The following FGGY variants were observed in gnomAD, a reference collection of about 807,000 sequenced individuals.
The protein encoded by FGGY is FGGY carbohydrate kinase domain containing.
Under a neutral mutation model 71.3 loss-of-function variants are expected in FGGY, and 72 were observed. The observed-to-expected ratio is 1.01, with a 90% CI of 0.84 to 1.23. FGGY has a LOEUF of 1.23. Among genes scored for constraint, FGGY ranks in the 50% most tolerant of loss-of-function variants. The pLI is 0.00. For synonymous variants in FGGY, 251 were observed against 250.3 expected, an observed-to-expected ratio of 1.00 and a Z score of -0.02; for missense variants, 668 against 682.3, an observed-to-expected ratio of 0.98 and a Z score of 0.23.
chr1:59,373,036 C>A lies in FGGY; in HGVS notation c.466-5713C>A, dbSNP rs537677910. On this transcript the variant is annotated intron_variant, in intron 4 of 15. Coordinates refer to ENST00000303721, the MANE Select transcript of FGGY (RefSeq NM_018291.5). ...GCCCTCTCTCACCACTCCCATTCAA[C>A]ATAGTGTTGGAAGTTCTGGCCAGGG... Among the ~76,000 whole-genome samples the A allele has an allele frequency of 2.6e-5, 4 of 152,216 alleles. No homozygotes were observed. In the South Asian group the frequency reaches 8.3e-4, roughly 32 times the overall value.
intron 5 of FGGY, among the ~76,000 whole-genome samples, chr1:59,411,762 A>G (rs1395360580): frequency 6.6e-6 from 1 of 152,222 alleles, no homozygotes; most frequent in Admixed American, 6.5e-5. Context: ...TTTTGCAAAT[A>G]GTCCTTTTAA....
rs534614448 is a variant in FGGY at position 59,715,467 on chromosome 1, C to T, written c.1512+41334C>T. On this transcript the variant is annotated intron_variant, in intron 14 of 15. Transcript: ENST00000303721. ...GGTTGCCAGTGTCTAAGTCAAGTCC[C>T]GAAACACTTGGTTCCCCTTGGGTCA... Among the ~76,000 whole-genome samples, 8 of 152,274 alleles carry T rather than the reference C, an allele frequency of 5.3e-5. No homozygotes were observed. In the South Asian group the frequency reaches 1.0e-3, roughly 20 times the overall value.
At chr1:59,539,886 A>G (rs963330070) in intron 7 of FGGY, among the ~76,000 whole-genome samples, 1 of 152,254 alleles carries the variant, frequency 6.6e-6, no homozygotes, top group Non-Finnish European at 1.5e-5. Context: ...AAGAATGTCT[A>G]CACATTAATG....
rs12039820 is a variant in FGGY, at chr1:59,457,099, G to T, written c.670+23G>T. The T allele has an allele frequency of 1.5e-5, 23 of 1,514,792 alleles. No homozygotes were observed. The African/African-American group carries it at 2.7e-4, about 18-fold the overall frequency. The allele number at this position is 1,514,792 out of a possible 1,614,324, so 93.8% of individuals were successfully genotyped here. ...TAGGTAAAAGAATAAAACATCTGTA[G>T]AGTGATTATGTGCATTGGAGGATCT... is the stretch of plus-strand genomic sequence containing the variant. On this transcript the variant is annotated intron_variant, in intron 6 of 15. Coordinates refer to ENST00000303721, the MANE Select transcript of FGGY (RefSeq NM_018291.5).
intron 14 of FGGY, chr1:59,698,944 A>C: frequency 1.0e-6 from 1 of 985,390 alleles, no homozygotes; most frequent in Non-Finnish European, 1.2e-6. Context: ...GTATTATTTA[A>C]TACATCCCCA....
chr1:59,451,546 TAC>T (rs2072723291), intron 5 of FGGY, among the ~76,000 whole-genome samples: 3 of 152,088 alleles, frequency 2.0e-5, no homozygotes, highest in African/African-American at 7.2e-5. Flanking sequence ...TGCATATATA[TAC>T]ATATATGCAG....
At chr1:59,569,792 A>T (rs2095948656) in intron 8 of FGGY, among the ~76,000 whole-genome samples, 1 of 152,160 alleles carries the variant, frequency 6.6e-6, no homozygotes, top group African/African-American at 2.4e-5. Context: ...GTCAGAGCAG[A>T]TGTTTTCTTT....
chr1:59,660,923 A>T (rs558467615), intron 12 of FGGY, among the ~76,000 whole-genome samples: 1 of 152,338 alleles, frequency 6.6e-6, no homozygotes, highest in South Asian at 2.1e-4. Context: ...TAATCCTGAA[A>T]TCACATCCAG....
chr1:59,366,445 A>C (rs1057069661), intron 4 of FGGY, among the ~76,000 whole-genome samples: 2 of 152,052 alleles, frequency 1.3e-5, no homozygotes, highest in Non-Finnish European at 2.9e-5. Flanking sequence ...AAGCCTTTAG[A>C]AAAGCCTCCC....
At chr1:59,435,752 G>A (rs1222344038) in intron 5 of FGGY, among the ~76,000 whole-genome samples, 11 of 78,330 alleles carry the variant, frequency 1.4e-4, no homozygotes, top group African/African-American at 7.2e-4. Context: ...CTGCGTGTGT[G>A]TGTGTGTGTG....
chr1:59,674,112 A>G lies in FGGY; in HGVS notation c.1491A>G (p.Ser497=), dbSNP rs1326388031. The change falls in exon 14 of 16, where the codon TCA becomes TCG. Residue 497 remains serine (S), a synonymous_variant. Transcript: ENST00000303721. ...VGAAVLGACA[S]GDFASVQEAM... ...CTGCTGTTCTGGGTGCCTGTGCCTC[A>G]GGGGATTTCGCTTCTGTACAGGTAT... The G allele has an allele frequency of 6.2e-7, 1 of 1,613,828 alleles. No homozygotes were observed. Among genetic ancestry groups the G allele is most frequent in the Non-Finnish European group, 8.5e-7 (1 of 1,179,900 alleles).
At chr1:59,561,005 C>T (rs191341686) in intron 8 of FGGY, among the ~76,000 whole-genome samples, 193 of 152,284 alleles carry the variant, frequency 1.3e-3, no homozygotes, top group African/African-American at 4.4e-3. Flanking sequence ...TCCCCTGAGG[C>T]CTGAGCAGGA....
rs1037892020 is a variant in FGGY at position 59,391,283 on chromosome 1, C to A, written c.554+12446C>A. On this transcript the variant is annotated intron_variant, in intron 5 of 15. Coordinates refer to ENST00000303721, the MANE Select transcript of FGGY (RefSeq NM_018291.5). ...ATTTCAGGCCAGCCCAACCTGAGTTCAGAGGCTTAAAGTCCAGGGAGGGCG... is the reference window on the plus strand; with the variant it reads ...ATTTCAGGCCAGCCCAACCTGAGTTAAGAGGCTTAAAGTCCAGGGAGGGCG... 5.3e-5 allele frequency among the ~76,000 whole-genome samples: 8 copies of A among 152,222 alleles called. No homozygotes were observed. In the East Asian group the frequency reaches 1.5e-3, roughly 29 times the overall value.
chr1:59,536,259 C>G (rs1222270230), intron 7 of FGGY, among the ~76,000 whole-genome samples: 3 of 152,132 alleles, frequency 2.0e-5, no homozygotes, highest in African/African-American at 7.2e-5. Flanking sequence ...GACACATACA[C>G]TTTCCCAAGA....
chr1:59,569,820 A>C lies in FGGY; in HGVS notation c.903+15593A>C, dbSNP rs78181341. ...TTTTCTTTTTTTCAAATGAGACTCA[A>C]AGAAATTAAGTGATTTGTTCAGTGT... On this transcript the variant is annotated intron_variant, in intron 8 of 15. Transcript: ENST00000303721. 3.3e-3 allele frequency among the ~76,000 whole-genome samples: 510 copies of C among 152,296 alleles called. 5 individuals are homozygous for C. The highest frequency in any genetic ancestry group is 5.7e-3 in the Non-Finnish European group (390 of 68,014).
At chr1:59,314,040 A>C (rs2044911224) in intron 1 of FGGY, among the ~76,000 whole-genome samples, 1 of 151,432 alleles carries the variant, frequency 6.6e-6, no homozygotes, top group South Asian at 2.1e-4. Flanking sequence ...AATCTCGCTC[A>C]CTGCAAGCTC....
intron 7 of FGGY, among the ~76,000 whole-genome samples, chr1:59,516,099 CTTCTTATGCCTCTT>C (rs2094641752): frequency 6.6e-6 from 1 of 151,392 alleles, no homozygotes; most frequent in Non-Finnish European, 1.5e-5. Context: ...CTTCTTATGC[CTTCTTATGCCTCTT>C]TCTTTACCCT....
chr1:59,757,930 G>C lies in FGGY; in HGVS notation c.1513-1G>C, dbSNP rs2098308028. On this transcript the variant is annotated splice_acceptor_variant, in intron 14 of 15. Transcript: ENST00000303721. LOFTEE classifies it high-confidence loss of function. ...TGTCTATGTTGTTTTCCATTTAATA[G>C]GAAGCAATGGCAAAAATGAGCAAAG... 6 of 1,611,864 alleles carry C rather than the reference G, an allele frequency of 3.7e-6. No homozygotes were observed. Among genetic ancestry groups the C allele is most frequent in the African/African-American group, 2.7e-5 (2 of 74,884 alleles).
chr1:59,732,991 A>G (rs948095106), intron 14 of FGGY, among the ~76,000 whole-genome samples: 1 of 151,966 alleles, frequency 6.6e-6, no homozygotes, highest in African/African-American at 2.4e-5. Context: ...GCTCTGCTTC[A>G]AAGGACTTTC....
Sources: gnomAD v4.1 joint callset for allele counts (sites outside exome capture counted in the v4.1 genomes callset) on GRCh38, gnomAD v4.1.1 for gene constraint, MANE v1.5 for transcripts, NCBI Gene and HGNC (gene_info 2026-07-23, HGNC 2026-07-21) for gene names.